MAP3K1: variants seen among roughly 807,000 people sequenced by gnomAD.
The protein encoded by MAP3K1 is mitogen-activated protein kinase kinase kinase 1, also known as MAP/ERK kinase kinase 1.
MAP3K1 carries 36 observed loss-of-function variants against 144.2 expected under a neutral mutation model. The observed-to-expected ratio is 0.25, with a 90% CI of 0.19 to 0.33. The LOEUF (loss-of-function observed/expected upper bound fraction) is 0.33. MAP3K1 is among the 10% of genes least tolerant of loss of function. The probability of loss-of-function intolerance (pLI) is 1.00; values close to 1 mark genes in which losing one functional copy is unlikely to be tolerated. For missense variants in MAP3K1, 1,650 were observed against 1,881.9 expected, an observed-to-expected ratio of 0.88 and a Z score of 2.28; for synonymous variants, 718 against 688.7, an observed-to-expected ratio of 1.04 and a Z score of -0.67.
Position 56,815,628 on chromosome 5 carries a change from G to A in MAP3K1, c.55G>A (p.Ala19Thr), listed in dbSNP as rs919980796. 3.8e-6 allele frequency: 5 copies of A among 1,322,928 alleles called. No homozygotes were observed. The highest frequency in any genetic ancestry group is 4.8e-6 in the Non-Finnish European group (5 of 1,037,418). The allele number at this position is 1,322,928 out of a possible 1,614,324, so 81.9% of individuals were successfully genotyped here. ...GTCGTCGGGATTCCCGGGCGCCAGG[G>A]CTACGAGCCCTGAGGCAGGCGGCGG... ...ASSSGFPGAR[A>T]TSPEAGGGGG... Residue 19 changes from alanine to threonine, a missense_variant, in exon 1 of 20, where the codon GCT becomes ACT. Around this residue, in one of 6 missense-constraint regions of MAP3K1, gnomAD observed 360 missense variants for 274.7 expected, o/e 1.31. Coordinates refer to ENST00000399503, the MANE Select transcript of MAP3K1 (RefSeq NM_005921.2).
intron 19 of MAP3K1, among the ~76,000 whole-genome samples, chr5:56,890,060 C>T (rs918110276): frequency 3.9e-5 from 6 of 152,132 alleles, no homozygotes; most frequent in Admixed American, 1.3e-4. Context: ...ATTCCAGATT[C>T]TCATAGCATT....
chr5:56,866,440 T>C (rs1232362009), intron 6 of MAP3K1, among the ~76,000 whole-genome samples: 2 of 148,960 alleles, frequency 1.3e-5, no homozygotes, highest in Non-Finnish European at 3.0e-5. Context: ...TATGTCTGTA[T>C]GTATGTATGT....
intron 1 of MAP3K1, among the ~76,000 whole-genome samples, chr5:56,827,837 C>T (rs1746366983): frequency 6.6e-6 from 1 of 151,334 alleles, no homozygotes. Context: ...GCTCTCCAGC[C>T]TGGGTGACAT....
rs1319478569 is a variant in MAP3K1, at chr5:56,895,517, A to T, written c.*1837A>T. ...TGAATACTGTGTCTGACAAAAATGTAAACTGTATAAACTGAGGAACCTCAG... is the reference window on the plus strand; with the variant it reads ...TGAATACTGTGTCTGACAAAAATGTTAACTGTATAAACTGAGGAACCTCAG... On this transcript the variant is annotated 3_prime_UTR_variant, in exon 20 of 20. Transcript: ENST00000399503. 8.6e-6 allele frequency: 2 copies of T among 231,876 alleles called. No homozygotes were observed. The highest frequency in any genetic ancestry group is 4.4e-5 in the African/African-American group (2 of 45,294). The allele number at this position is 231,876 out of a possible 1,614,324, so 14.4% of individuals were successfully genotyped here.
chr5:56,862,944 A>G lies in MAP3K1; in HGVS notation c.835-1790A>G, dbSNP rs372031680. 2.1e-4 allele frequency among the ~76,000 whole-genome samples: 32 copies of G among 152,340 alleles called. No individual in the cohort carries two copies. The East Asian group carries it at 4.2e-3, about 20-fold the overall frequency. On this transcript the variant is annotated intron_variant, in intron 3 of 19. Transcript: ENST00000399503. ...GGTTTTTAAACATCTTTATTACCCC[A>G]ATAAGATATCCTAGACCTATTAGCA...
At position 56,895,402 on chromosome 5, in the gene MAP3K1, A is replaced by G. The variant is rs182260279; in HGVS notation, c.*1722A>G. The G allele has an allele frequency of 1.0e-4, 24 of 229,770 alleles. No homozygotes were observed. In the South Asian group the frequency reaches 3.5e-3, roughly 33 times the overall value. 14.2% of individuals were successfully genotyped at this position (229,770 alleles called of 1,614,324 possible). ...TTTTTGACTACTTAGAATTTTCACA[A>G]TTCTAATAAGATTGTTTCCAAGTCT... On this transcript the variant is annotated 3_prime_UTR_variant, in exon 20 of 20. Coordinates refer to ENST00000399503, the MANE Select transcript of MAP3K1 (RefSeq NM_005921.2).
chr5:56,889,232 G>A (rs1748473977), intron 19 of MAP3K1, among the ~76,000 whole-genome samples: 1 of 152,124 alleles, frequency 6.6e-6, no homozygotes, highest in African/African-American at 2.4e-5. Context: ...GCAGTGGCAC[G>A]ATCTCAGCTC....
intron 1 of MAP3K1, among the ~76,000 whole-genome samples, chr5:56,827,970 C>T (rs1249059703): frequency 6.6e-6 from 1 of 151,970 alleles, no homozygotes; most frequent in African/African-American, 2.4e-5. Context: ...AAAATGGGGT[C>T]GTTGGTGGTA....
At chr5:56,832,320 G>A (rs116156868) in intron 1 of MAP3K1, among the ~76,000 whole-genome samples, 3,032 of 152,298 alleles carry the variant, frequency 0.02, 118 homozygotes, top group African/African-American at 0.069. Flanking sequence ...AGCCATTGTT[G>A]AGAGATTTCC....
rs533207997 is a variant in MAP3K1 at position 56,894,503 on chromosome 5, C to T, written c.*823C>T. ...AAGTACTACCTACATTTGAGTCAGTCACCACTCTTATTGTGCAGGTTAAGT... is the reference window on the plus strand; with the variant it reads ...AAGTACTACCTACATTTGAGTCAGTTACCACTCTTATTGTGCAGGTTAAGT... On this transcript the variant is annotated 3_prime_UTR_variant, in exon 20 of 20. Coordinates refer to ENST00000399503, the MANE Select transcript of MAP3K1 (RefSeq NM_005921.2). 1 of 232,556 alleles carries T rather than the reference C, an allele frequency of 4.3e-6. No homozygotes were observed. The highest frequency in any genetic ancestry group is 6.1e-5 in the East Asian group (1 of 16,432). The allele number at this position is 232,556 out of a possible 1,614,324, so 14.4% of individuals were successfully genotyped here. A position where few individuals can be genotyped will look rare whatever the true frequency, so the allele number is the denominator to read the frequency against.
rs1412862503 is a variant in MAP3K1 at position 56,895,812 on chromosome 5, A to G, written c.*2132A>G. ...ACTCAAGTTGTAAATAACGTCTACT[A>G]CTGTTTATTCCAGTTTCTACTACCT... On this transcript the variant is annotated 3_prime_UTR_variant, in exon 20 of 20. Transcript: ENST00000399503. 8.6e-6 allele frequency: 2 copies of G among 231,572 alleles called. No homozygotes were observed. The highest frequency in any genetic ancestry group is 4.4e-5 in the African/African-American group (2 of 45,220). 14.3% of individuals were successfully genotyped at this position (231,572 alleles called of 1,614,324 possible). A position where few individuals can be genotyped will look rare whatever the true frequency, so the allele number is the denominator to read the frequency against.
chr5:56,860,058 C>T, intron 3 of MAP3K1, 143 bp downstream of exon 3: 1 of 762,874 alleles, frequency 1.3e-6, no homozygotes, highest in South Asian at 1.6e-5. Flanking sequence ...GGGGTGGTTC[C>T]TGAGACCCTT....
chr5:56,845,707 T>C (rs1746971771), intron 1 of MAP3K1, among the ~76,000 whole-genome samples: 1 of 152,222 alleles, frequency 6.6e-6, no homozygotes, highest in Non-Finnish European at 1.5e-5. Context: ...AAGAGGATAC[T>C]CACAATGTTT....
chr5:56,816,031 C>T lies in MAP3K1; in HGVS notation c.458C>T (p.Pro153Leu), dbSNP rs576080629. Residue 153 changes from proline to leucine, a missense_variant, in exon 1 of 20, where the codon CCG (proline) becomes CTG (leucine). By Grantham distance (98) the Pro-to-Leu change is moderately conservative. Around this residue, in one of 6 missense-constraint regions of MAP3K1, gnomAD observed 360 missense variants for 274.7 expected, o/e 1.31. Transcript: ENST00000399503. ...GAGAAGCGGGCGCCCGCCGCCGAGC[C>T]GTCTCCTGCAGCGGCCCCCGCCGGG... Reference protein sequence around the residue: ...PGEKRAPAAEPSPAAAPAGRE... With the variant: ...PGEKRAPAAELSPAAAPAGRE... The T allele has an allele frequency of 1.3e-4, 159 of 1,222,046 alleles. 1 individual carries two copies. In the South Asian group the frequency reaches 4.9e-3, roughly 38 times the overall value. 75.7% of individuals were successfully genotyped at this position (1,222,046 alleles called of 1,614,324 possible).
intron 1 of MAP3K1, among the ~76,000 whole-genome samples, chr5:56,832,172 A>G (rs1282327656): frequency 6.6e-6 from 1 of 152,230 alleles, no homozygotes; most frequent in African/African-American, 2.4e-5. Flanking sequence ...GGGAAGAGCA[A>G]ATGAGATGAT....
At position 56,881,915 on chromosome 5, in the gene MAP3K1, A is replaced by G; in HGVS notation, c.2715A>G (p.Thr905=). ...ETTENSSPEC[T]VHLEKTGKGL... ...CAGAGAACAGTTCCCCTGAGTGCAC[A>G]GTCCATTTAGAGAAAACTGGAAAAG... Residue 905 remains threonine, a synonymous_variant, in exon 14 of 20, where the codon ACA becomes ACG. Transcript: ENST00000399503. The G allele has an allele frequency of 1.2e-6, 2 of 1,614,094 alleles. No individual in the cohort carries two copies. The highest frequency in any genetic ancestry group is 2.2e-5 in the East Asian group (1 of 44,874).
At chr5:56,850,968 T>G (rs1422342912) in intron 1 of MAP3K1, among the ~76,000 whole-genome samples, 1 of 152,210 alleles carries the variant, frequency 6.6e-6, no homozygotes, top group Non-Finnish European at 1.5e-5. Flanking sequence ...TTTTTGGACA[T>G]GGAGTTTTGC....
chr5:56,881,164 T>A lies in MAP3K1; in HGVS notation c.2261T>A (p.Leu754His). The change falls in exon 13 of 20, where the codon CTT (leucine) becomes CAT (histidine). Residue 754 changes from leucine (L) to histidine (H), a missense_variant. Transcript: ENST00000399503. ...NQTESNNWQE[L>H]LGRLCLIDRL... ...ACTGAATCAAACAATTGGCAAGAAC[T>A]TCTTGGCCGCCTTTGTCTTATAGAT... 1 of 1,613,922 alleles carries A rather than the reference T, an allele frequency of 6.2e-7. No individual in the cohort carries two copies. Among genetic ancestry groups the A allele is most frequent in the East Asian group, 2.2e-5 (1 of 44,838 alleles).
At chr5:56,871,773 G>T in intron 6 of MAP3K1, 137 bp from the exon 7 acceptor site, 3 of 713,586 alleles carry the variant, frequency 4.2e-6, no homozygotes, top group Non-Finnish European at 4.8e-6. Context: ...GTGTAAATAT[G>T]TATCTCTTAG....
Sources: gnomAD v4.1 joint callset for allele counts (sites outside exome capture counted in the v4.1 genomes callset) on GRCh38, gnomAD v4.1.1 for gene constraint, gnomAD v4.1.1 regional missense constraint, MANE v1.5 for transcripts, NCBI Gene and HGNC (gene_info 2026-07-23, HGNC 2026-07-21) for gene names.